The following PKP2 variants were observed in gnomAD, a reference collection of about 807,000 sequenced individuals.
The protein encoded by PKP2 is plakophilin 2, also known as plakophilin-2.
In PKP2, 73 loss-of-function variants were observed where a neutral mutation model predicts 83.4. The ratio of observed to expected loss-of-function variants is 0.88; its 90% confidence interval spans 0.72 to 1.06. The LOEUF (loss-of-function observed/expected upper bound fraction) is 1.06, where lower values mean the gene tolerates loss of function less well. Ranked by LOEUF, PKP2 falls within the 50% of genes least tolerant of loss-of-function variation. The pLI is 0.00. For missense variants in PKP2, 966 were observed against 1,065.4 expected (o/e 0.91, Z 1.30); for synonymous variants, 409 against 430.4 (o/e 0.95, Z 0.62).
chr12:32,894,437 T>A (rs1957103478), intron 1 of PKP2: 1 of 152,158 alleles, frequency 6.6e-6, no homozygotes. Context: ...ATCACACAGG[T>A]GATGCATTAC....
chr12:32,800,742 T>C (rs7133535), intron 10 of PKP2, among the ~76,000 whole-genome samples: 31,154 of 152,016 alleles, frequency 0.2, 3,822 homozygotes, highest in East Asian at 0.56. Context: ...CTCCTTTTAG[T>C]AAGTTAAACT....
intron 1 of PKP2, among the ~76,000 whole-genome samples, chr12:32,879,569 C>T (rs1322456483): frequency 3.3e-5 from 5 of 151,642 alleles, no homozygotes; most frequent in African/African-American, 7.3e-5. Flanking sequence ...TGGCTTACAC[C>T]TGTAATCCCA....
chr12:32,806,031 T>C (rs970660499), intron 9 of PKP2, among the ~76,000 whole-genome samples: 4 of 152,224 alleles, frequency 2.6e-5, no homozygotes, highest in African/African-American at 9.7e-5. Context: ...TTTGCGAATG[T>C]TGAACCAACC....
intron 6 of PKP2, among the ~76,000 whole-genome samples, chr12:32,834,976 C>CGTGTGTGTGT (rs10629969): frequency 0.068 from 8,062 of 119,312 alleles, 424 homozygotes; most frequent in Non-Finnish European, 0.089. Context: ...TCACAATAGG[C>CGTGTGTGTGT]GTGTGTGTGT....
intron 6 of PKP2, among the ~76,000 whole-genome samples, chr12:32,836,801 T>C (rs1306096734): frequency 6.6e-6 from 1 of 152,204 alleles, no homozygotes; most frequent in Non-Finnish European, 1.5e-5. Context: ...CTTAAGATTT[T>C]TAAGAGTGAG....
rs397517016 is a variant in PKP2 at position 32,821,372 on chromosome 12, G to T, written c.1997C>A (p.Thr666Lys). Residue 666 changes from threonine to lysine, a missense_variant, in exon 9 of 13, where the codon ACG becomes AAG. Transcript: ENST00000340811. ...EASLGALQNL[T>K]AGSGPMPTSV... ...AATACTCACTGGTCCACTTCCGGCC[G>T]TGAGGTTCTGCAGAGCTCCTAAGGA... 1 of 1,614,052 alleles carries T rather than the reference G, an allele frequency of 6.2e-7. No homozygotes were observed. Among genetic ancestry groups the T allele is most frequent in the East Asian group, 2.2e-5 (1 of 44,872 alleles).
chr12:32,872,693 G>A (rs1023138228), intron 3 of PKP2, among the ~76,000 whole-genome samples: 9 of 152,106 alleles, frequency 5.9e-5, no homozygotes, highest in Admixed American at 5.9e-4. Context: ...ATAAAATGAT[G>A]AATGGATAGC....
chr12:32,851,690 G>C (rs1956697696), intron 4 of PKP2, among the ~76,000 whole-genome samples: 1 of 152,102 alleles, frequency 6.6e-6, no homozygotes, highest in Non-Finnish European at 1.5e-5. Flanking sequence ...GGATGGTCTC[G>C]ATCTCCTGAC....
intron 6 of PKP2, among the ~76,000 whole-genome samples, chr12:32,828,106 A>G (rs977498156): frequency 1.3e-5 from 2 of 152,210 alleles, no homozygotes; most frequent in Non-Finnish European, 2.9e-5. Context: ...ACTTGTGGCC[A>G]GTGCTTGATA....
chr12:32,794,946 C>T (rs1428492720), intron 11 of PKP2, among the ~76,000 whole-genome samples: 1 of 152,156 alleles, frequency 6.6e-6, no homozygotes, highest in Non-Finnish European at 1.5e-5. Context: ...CCCTGTACAG[C>T]CAAGCACACA....
chr12:32,859,483 G>GTCTC lies in PKP2; in HGVS notation c.1171-8514_1171-8511dup, dbSNP rs530930660. 6.2e-3 allele frequency among the ~76,000 whole-genome samples: 938 copies of GTCTC among 152,098 alleles called. 6 individuals carry two copies. The highest frequency in any genetic ancestry group is 0.024 in the Middle Eastern group (7 of 294). ...TTTTTGTGTGTGTGTGTGTGACAGA[G>GTCTC]TCTCTCTCTGTTGCCCAGGCTGAAG... is the stretch of plus-strand genomic sequence containing the variant. On this transcript the variant is annotated intron_variant, in intron 4 of 12. Coordinates refer to ENST00000340811, the MANE Select transcript of PKP2 (RefSeq NM_001005242.3).
chr12:32,798,653 G>A (rs1018766956), intron 10 of PKP2, among the ~76,000 whole-genome samples: 2 of 152,106 alleles, frequency 1.3e-5, no homozygotes, highest in Non-Finnish European at 2.9e-5. Flanking sequence ...AACATTAAGT[G>A]GGGAAAGGCC....
At chr12:32,866,785 C>T (rs1956853257) in intron 4 of PKP2, among the ~76,000 whole-genome samples, 1 of 152,048 alleles carries the variant, frequency 6.6e-6, no homozygotes. Flanking sequence ...CAAACATACA[C>T]CTACCATACC....
chr12:32,808,467 G>C (rs896763035), intron 9 of PKP2, among the ~76,000 whole-genome samples: 2 of 152,084 alleles, frequency 1.3e-5, no homozygotes, highest in Admixed American at 1.3e-4. Flanking sequence ...ATTGGGTTAC[G>C]ACATGCTCCT....
intron 4 of PKP2, among the ~76,000 whole-genome samples, chr12:32,864,144 T>G (rs181733520): frequency 6.6e-6 from 1 of 152,198 alleles, no homozygotes; most frequent in Non-Finnish European, 1.5e-5. Context: ...AGGGAAGTTC[T>G]TCAACTTGAT....
At chr12:32,895,963 C>T (rs1173738306) in intron 1 of PKP2, among the ~76,000 whole-genome samples, 1 of 152,230 alleles carries the variant, frequency 6.6e-6, no homozygotes, top group African/African-American at 2.4e-5. Context: ...CCACTCGCCT[C>T]CCACACAGGG....
intron 9 of PKP2, among the ~76,000 whole-genome samples, chr12:32,819,203 G>A (rs1300709498): frequency 5.3e-5 from 8 of 151,908 alleles, no homozygotes; most frequent in East Asian, 1.9e-4. Flanking sequence ...GCTTGAACCC[G>A]GGAGGCAGAA....
intron 1 of PKP2, among the ~76,000 whole-genome samples, chr12:32,886,597 T>G (rs746438894): frequency 1.3e-5 from 2 of 152,222 alleles, no homozygotes; most frequent in Non-Finnish European, 2.9e-5. Flanking sequence ...TTATCTTCTA[T>G]TCTTACTTTC....
At chr12:32,802,990 A>T (rs1956196065) in intron 9 of PKP2, among the ~76,000 whole-genome samples, 1 of 152,094 alleles carries the variant, frequency 6.6e-6, no homozygotes, top group Non-Finnish European at 1.5e-5. Context: ...ACTGTGATGG[A>T]ACTAGTCTAA....
Sources: gnomAD v4.1 joint callset for allele counts (sites outside exome capture counted in the v4.1 genomes callset) on GRCh38, gnomAD v4.1.1 for gene constraint, MANE v1.5 for transcripts, NCBI Gene and HGNC (gene_info 2026-07-23, HGNC 2026-07-21) for gene names.